The following IQCK variants were observed in gnomAD, a reference collection of about 807,000 sequenced individuals.
The protein encoded by IQCK is IQ motif containing K, also known as IQ domain-containing protein K.
A neutral mutation model predicts 28.1 loss-of-function variants in IQCK; 29 were observed. That is an observed-to-expected ratio of 1.03 (90% CI 0.77 to 1.41). The LOEUF (loss-of-function observed/expected upper bound fraction) is 1.41. Among genes scored for constraint, IQCK ranks in the 40% most tolerant of loss-of-function variants. The pLI, the probability that IQCK is intolerant of heterozygous loss-of-function variation, is 0.00. For missense variants in IQCK, 359 were observed against 314.7 expected, an observed-to-expected ratio of 1.14 and a Z score of -1.07; for synonymous variants, 113 against 115.1, an observed-to-expected ratio of 0.98 and a Z score of 0.12.
In IQCK at chr16:19,770,742, C is replaced by T. The variant is rs182553927; in HGVS notation, c.605+6630C>T. ...GGTTCAAGTGATTCTTCTGCCTAAC[C>T]CTCCCAAGTAGCTGGGATTACAGGC... On this transcript the variant is annotated intron_variant, in intron 6 of 7. Coordinates refer to ENST00000564186, the Ensembl canonical transcript of IQCK. Among the ~76,000 whole-genome samples, 341 of 152,286 alleles carry T rather than the reference C, an allele frequency of 2.2e-3. 3 individuals carry two copies. Among genetic ancestry groups the T allele is most frequent in the African/African-American group, 7.9e-3 (330 of 41,560 alleles).
At chr16:19,728,873 G>A (rs1977740844) in intron 1 of IQCK, among the ~76,000 whole-genome samples, 1 of 152,222 alleles carries the variant, frequency 6.6e-6, no homozygotes, top group South Asian at 2.1e-4. Flanking sequence ...TGGAGGAAAT[G>A]CTGTACTGTC....
chr16:19,842,797 T>C (rs2056376137), intron 9 of IQCK, among the ~76,000 whole-genome samples: 1 of 152,236 alleles, frequency 6.6e-6, no homozygotes, highest in Non-Finnish European at 1.5e-5. Context: ...TTTACCATCT[T>C]TTATTATAAA....
At chr16:19,760,144 A>C (rs954787150) in intron 4 of IQCK, among the ~76,000 whole-genome samples, 1 of 152,114 alleles carries the variant, frequency 6.6e-6, no homozygotes, top group African/African-American at 2.4e-5. Context: ...AAAAATATAT[A>C]ATTTTTTAAA....
chr16:19,780,018 CTTATTTATTTATTTATTTAT>C (rs57997707), intron 6 of IQCK, among the ~76,000 whole-genome samples: 1 of 128,804 alleles, frequency 7.8e-6, no homozygotes, highest in Non-Finnish European at 1.6e-5. Flanking sequence ...CGTGCCCAGC[CTTATTTATTTATTTATTTAT>C]TTATTTATTT....
intron 2 of IQCK, among the ~76,000 whole-genome samples, chr16:19,731,987 C>T (rs1433916898): frequency 6.6e-6 from 1 of 152,216 alleles, no homozygotes; most frequent in East Asian, 1.9e-4. Context: ...GGTGAGAGCC[C>T]TGGAGTCTCA....
intron 7 of IQCK, among the ~76,000 whole-genome samples, chr16:19,823,672 C>T (rs889111865): frequency 2.6e-5 from 4 of 152,192 alleles, no homozygotes; most frequent in Non-Finnish European, 5.9e-5. Flanking sequence ...CACAGTGGCT[C>T]ACGCCTGTAA....
chr16:19,857,956 C>G (rs1474981565), exon 10 of IQCK: 1 of 152,504 alleles, frequency 6.6e-6, no homozygotes, highest in East Asian at 1.9e-4. Context: ...CTGTTATAGA[C>G]CCAAAGCGAT....
At chr16:19,751,360 T>TC (rs1198226217) in intron 4 of IQCK, among the ~76,000 whole-genome samples, 1 of 151,962 alleles carries the variant, frequency 6.6e-6, no homozygotes, top group African/African-American at 2.4e-5. Context: ...GTGCCTATAG[T>TC]CCCAGCACTC....
intron 9 of IQCK, among the ~76,000 whole-genome samples, chr16:19,851,676 C>T (rs1321056834): frequency 2.0e-5 from 3 of 152,194 alleles, no homozygotes; most frequent in African/African-American, 4.8e-5. Context: ...GGATTTTCCA[C>T]TCTCCCAGCC....
intron 9 of IQCK, among the ~76,000 whole-genome samples, chr16:19,841,737 C>T (rs2056364131): frequency 6.6e-6 from 1 of 152,094 alleles, no homozygotes; most frequent in African/African-American, 2.4e-5. Context: ...TAAAAGCATC[C>T]CTCTCGCTGG....
chr16:19,736,027 C>G, intron 4 of IQCK: 1 of 446,132 alleles, frequency 2.2e-6, no homozygotes, highest in Non-Finnish European at 4.5e-6. Flanking sequence ...GATCACGTCA[C>G]TGCACTCCAG....
rs150763027 is a variant in IQCK, at chr16:19,820,120, C to G, written c.691-6906C>G. 5.5e-4 allele frequency among the ~76,000 whole-genome samples: 83 copies of G among 152,184 alleles called. 2 individuals are homozygous for G. The highest frequency in any genetic ancestry group is 1.9e-3 in the African/African-American group (80 of 41,514). ...TGGATCAAAGAGCTACACTACCCAA[C>G]TCTTAGAAGAAAACATAGGGATAAA... On this transcript the variant is annotated intron_variant, in intron 7 of 7. Coordinates refer to ENST00000564186, the Ensembl canonical transcript of IQCK.
At chr16:19,848,289 G>A (rs957763337) in intron 9 of IQCK, among the ~76,000 whole-genome samples, 9 of 152,114 alleles carry the variant, frequency 5.9e-5, no homozygotes, top group African/African-American at 1.9e-4. Context: ...CATTGGGACC[G>A]TATTTCATTC....
chr16:19,820,315 G>C (rs763893946), intron 7 of IQCK, among the ~76,000 whole-genome samples: 1 of 152,060 alleles, frequency 6.6e-6, no homozygotes, highest in Non-Finnish European at 1.5e-5. Flanking sequence ...TCAGGAGTTC[G>C]AGACCAGCCT....
chr16:19,827,635 T>A (rs1318654204), downstream of IQCK, among the ~76,000 whole-genome samples: 3 of 152,190 alleles, frequency 2.0e-5, no homozygotes, highest in Non-Finnish European at 4.4e-5. Flanking sequence ...GATTAGCATT[T>A]GAATTGATTG....
chr16:19,756,932 G>A (rs1353275078), intron 4 of IQCK, among the ~76,000 whole-genome samples: 1 of 151,060 alleles, frequency 6.6e-6, no homozygotes, highest in African/African-American at 2.4e-5. Flanking sequence ...GCTCCAGACA[G>A]CTGCCTTGTC....
intron 2 of IQCK, among the ~76,000 whole-genome samples, chr16:19,731,769 G>A (rs1277804230): frequency 2.6e-5 from 4 of 152,124 alleles, no homozygotes; most frequent in Non-Finnish European, 5.9e-5. Flanking sequence ...ACACGATTAC[G>A]GAGGCTGAGA....
chr16:19,737,152 C>A (rs2054769017), intron 4 of IQCK, among the ~76,000 whole-genome samples: 1 of 151,874 alleles, frequency 6.6e-6, no homozygotes, highest in South Asian at 2.1e-4. Flanking sequence ...CAGAGCAAGA[C>A]CCTGTCTCCA....
intron 2 of IQCK, among the ~76,000 whole-genome samples, chr16:19,732,332 T>C (rs1287113859): frequency 6.6e-6 from 1 of 152,174 alleles, no homozygotes; most frequent in Non-Finnish European, 1.5e-5. Flanking sequence ...GTGGGTTTGT[T>C]TTCTGGATGG....
Sources: gnomAD v4.1 joint callset for allele counts (sites outside exome capture counted in the v4.1 genomes callset) on GRCh38, gnomAD v4.1.1 for gene constraint, MANE v1.5 for transcripts, NCBI Gene and HGNC (gene_info 2026-07-23, HGNC 2026-07-21) for gene names.